DAB1: variants seen among roughly 807,000 people sequenced by gnomAD.
The protein encoded by DAB1 is DAB adaptor protein 1, also known as disabled homolog 1.
Under a neutral mutation model 64.6 loss-of-function variants are expected in DAB1, and 15 were observed. That is an observed-to-expected ratio of 0.23 (90% CI 0.16 to 0.36). The LOEUF (loss-of-function observed/expected upper bound fraction) is 0.36. DAB1 is among the 10% of genes least tolerant of loss of function. The probability of loss-of-function intolerance (pLI) is 1.00; values close to 1 mark genes in which losing one functional copy is unlikely to be tolerated. For missense variants in DAB1, 596 were observed against 706.7 expected (o/e 0.84, Z 1.78); for synonymous variants, 235 against 251.9 (o/e 0.93, Z 0.64).
chr1:57,145,556 G>A, intron 2 of DAB1, 127 bp from the exon 3 acceptor site: 1 of 939,216 alleles, frequency 1.1e-6, no homozygotes, highest in Non-Finnish European at 1.6e-6. Flanking sequence ...ACTGGACTCA[G>A]GAGAAAAGAA....
intron 4 of DAB1, among the ~76,000 whole-genome samples, chr1:58,215,197 T>A (rs904158739): frequency 6.6e-6 from 1 of 152,158 alleles, no homozygotes; most frequent in Non-Finnish European, 1.5e-5. Flanking sequence ...CCTTGCACAC[T>A]TCAAATATTT....
chr1:57,499,777 A>G (rs559014172), intron 7 of DAB1, among the ~76,000 whole-genome samples: 53 of 152,290 alleles, frequency 3.5e-4, no homozygotes, highest in African/African-American at 1.2e-3. Context: ...TCTTTCATTC[A>G]TTCTTAATTC....
At chr1:58,441,659 C>T (rs1645009443) in intron 3 of DAB1, among the ~76,000 whole-genome samples, 1 of 152,168 alleles carries the variant, frequency 6.6e-6, no homozygotes, top group Admixed American at 6.5e-5. Context: ...CTGTGTCTGA[C>T]ATTTCTCTCA....
intron 6 of DAB1, among the ~76,000 whole-genome samples, chr1:57,769,986 G>A (rs1386693891): frequency 2.6e-5 from 4 of 152,060 alleles, no homozygotes; most frequent in Admixed American, 6.6e-5. Context: ...TCTACAGTCA[G>A]GTCTGATTTC....
chr1:57,343,017 AGCCTGCTT>A (rs1677749392), intron 1 of DAB1, among the ~76,000 whole-genome samples: 1 of 151,368 alleles, frequency 6.6e-6, no homozygotes, highest in African/African-American at 2.4e-5. Flanking sequence ...TGGCTCGGGC[AGCCTGCTT>A]TTATTGTCTT....
intron 6 of DAB1, among the ~76,000 whole-genome samples, chr1:57,690,300 C>T (rs1158401668): frequency 3.3e-5 from 5 of 152,104 alleles, no homozygotes; most frequent in Non-Finnish European, 7.4e-5. Context: ...CCACACAAAT[C>T]TCATGTCAAA....
At chr1:58,215,728 G>A (rs1016942493) in intron 4 of DAB1, among the ~76,000 whole-genome samples, 1 of 152,122 alleles carries the variant, frequency 6.6e-6, no homozygotes, top group Admixed American at 6.5e-5. Context: ...CCATGATATA[G>A]TGAGTGATTT....
At chr1:57,240,426 A>G (rs556249495) in intron 2 of DAB1, among the ~76,000 whole-genome samples, 1 of 152,326 alleles carries the variant, frequency 6.6e-6, no homozygotes, top group African/African-American at 2.4e-5. Flanking sequence ...GGTATTTGGG[A>G]AAAACAGCTG....
At chr1:58,042,341 T>C (rs1325451) in intron 5 of DAB1, among the ~76,000 whole-genome samples, 69,604 of 152,044 alleles carry the variant, frequency 0.46, 16,179 homozygotes, top group African/African-American at 0.52. Context: ...TTTGAACCTC[T>C]AACTTTTAGG....
At chr1:57,427,012 C>T (rs1043857459), upstream of DAB1, among the ~76,000 whole-genome samples, 1 of 151,590 alleles carries the variant, frequency 6.6e-6, no homozygotes, top group Non-Finnish European at 1.5e-5. Context: ...TACAGGAGCC[C>T]GCCACCGCTC....
intron 3 of DAB1, among the ~76,000 whole-genome samples, chr1:58,499,497 GATAGATAGATAA>G (rs1374652156): frequency 6.4e-4 from 96 of 150,164 alleles, no homozygotes; most frequent in Admixed American, 2.9e-3. Flanking sequence ...TAGATAGATA[GATAGATAGATAA>G]ATAGATAGAT....
intron 4 of DAB1, among the ~76,000 whole-genome samples, chr1:57,077,890 G>C (rs1652135251): frequency 6.6e-6 from 1 of 151,562 alleles, no homozygotes; most frequent in South Asian, 2.1e-4. Context: ...CTATTCACAG[G>C]AAAAATACCC....
At chr1:57,387,127 T>A (rs549401134) in intron 1 of DAB1, 1 of 152,298 alleles carries the variant, frequency 6.6e-6, no homozygotes, top group East Asian at 1.9e-4. Flanking sequence ...GTTCCCTCAC[T>A]TACTAGGTGA....
intron 1 of DAB1, among the ~76,000 whole-genome samples, chr1:57,868,490 T>G (rs1654398678): frequency 1.3e-5 from 2 of 152,178 alleles, no homozygotes; most frequent in East Asian, 1.9e-4. Context: ...TGGCCTGGTC[T>G]TGTCATTACG....
chr1:58,177,594 T>C (rs1466686294), intron 4 of DAB1, among the ~76,000 whole-genome samples: 1 of 152,124 alleles, frequency 6.6e-6, no homozygotes. Context: ...TGTTGTACTG[T>C]AGATTTAGGG....
chr1:57,663,635 T>A (rs74075806), intron 6 of DAB1, among the ~76,000 whole-genome samples: 3,324 of 152,240 alleles, frequency 0.022, 113 homozygotes, highest in African/African-American at 0.076. Context: ...TTTTCTTATT[T>A]TTTTTTTTAA....
chr1:58,480,265 A>G (rs908557183), intron 3 of DAB1, among the ~76,000 whole-genome samples: 1 of 152,046 alleles, frequency 6.6e-6, no homozygotes, highest in African/African-American at 2.4e-5. Context: ...CTTCTCTGGG[A>G]ACCCGAGATT....
chr1:58,220,507 G>T (rs370251402), intron 4 of DAB1, among the ~76,000 whole-genome samples: 130 of 152,244 alleles, frequency 8.5e-4, no homozygotes, highest in African/African-American at 3.1e-3. Flanking sequence ...AAGGTGGAAG[G>T]TAGAAGAGAG....
intron 12 of DAB1, among the ~76,000 whole-genome samples, chr1:57,013,833 A>G (rs1296399556): frequency 1.3e-5 from 2 of 152,222 alleles, no homozygotes; most frequent in African/African-American, 2.4e-5. Flanking sequence ...TTGGCTGCAC[A>G]GTCACTGTTT....
Sources: allele counts gnomAD v4.1 joint callset (sites outside exome capture counted in the v4.1 genomes callset), GRCh38; gene constraint gnomAD v4.1.1; transcripts MANE v1.5; gene names NCBI Gene and HGNC (gene_info 2026-07-23, HGNC 2026-07-21).